The following CBLB variants were observed in gnomAD, a reference collection of about 807,000 sequenced individuals.
CBLB encodes Cbl proto-oncogene B, also known as E3 ubiquitin-protein ligase CBL-B.
CBLB carries 31 observed loss-of-function variants against 104.9 expected under a neutral mutation model. The ratio of observed to expected loss-of-function variants is 0.30; its 90% CI spans 0.22 to 0.40. The LOEUF is 0.40. Among genes scored for constraint, CBLB ranks in the 10% least tolerant of loss-of-function variants. CBLB has a pLI of 1.00. For synonymous variants in CBLB, 440 were observed against 422.6 expected, an observed-to-expected ratio of 1.04 and a Z score of -0.51; for missense variants, 1,062 against 1,214.6, an observed-to-expected ratio of 0.87 and a Z score of 1.87.
chr3:105,695,870 C>T (rs944616511), intron 12 of CBLB, among the ~76,000 whole-genome samples: 2 of 151,660 alleles, frequency 1.3e-5, no homozygotes, highest in African/African-American at 2.4e-5. Flanking sequence ...TAGCATATGC[C>T]TTACAGTGCT....
intron 3 of CBLB, among the ~76,000 whole-genome samples, chr3:105,810,222 T>C (rs1410550435): frequency 1.3e-5 from 2 of 152,170 alleles, no homozygotes; most frequent in East Asian, 1.9e-4. Context: ...TATTGGGAAA[T>C]GTTTTGCTCT....
At chr3:105,755,776 G>A (rs1260805575) in intron 4 of CBLB, among the ~76,000 whole-genome samples, 1 of 152,072 alleles carries the variant, frequency 6.6e-6, no homozygotes, top group Admixed American at 6.6e-5. Flanking sequence ...TTCACCTAAG[G>A]AAATTATGTC....
At chr3:105,791,062 AGGAAT>A (rs2081576480) in intron 3 of CBLB, among the ~76,000 whole-genome samples, 1 of 152,238 alleles carries the variant, frequency 6.6e-6, no homozygotes. Context: ...TTTAATCATT[AGGAAT>A]TCTTAGATTT....
At chr3:105,765,243 C>T (rs895456170) in intron 4 of CBLB, among the ~76,000 whole-genome samples, 16 of 152,162 alleles carry the variant, frequency 1.1e-4, no homozygotes, top group Non-Finnish European at 2.9e-5. Flanking sequence ...TTCAAAGCTA[C>T]ATGATGGGTT....
At chr3:105,745,842 C>T in intron 6 of CBLB, 75 bp downstream of exon 6, 1 of 1,412,498 alleles carries the variant, frequency 7.1e-7, no homozygotes, top group African/African-American at 1.4e-5. Flanking sequence ...GTATTGCTGA[C>T]TTACTTAGGA....
At chr3:105,864,817 T>C (rs1052869352) in intron 2 of CBLB, among the ~76,000 whole-genome samples, 2 of 152,200 alleles carry the variant, frequency 1.3e-5, no homozygotes, top group Non-Finnish European at 2.9e-5. Flanking sequence ...CACTAGATAT[T>C]TCCCCTACAA....
At position 105,853,394 on chromosome 3, in the gene CBLB, A is replaced by G; in HGVS notation, c.419+20T>C. Reference sequence around the variant, plus strand: ...ACATAAATGACCTTTACACCAAAACATCTGAAATATTCTTCTTACCTGTCC... The same window carrying G: ...ACATAAATGACCTTTACACCAAAACGTCTGAAATATTCTTCTTACCTGTCC... On this transcript the variant is annotated intron_variant, in intron 3 of 18. Coordinates refer to ENST00000394030, the MANE Select transcript of CBLB (RefSeq NM_170662.5). 6.2e-7 allele frequency: 1 copy of G among 1,612,868 alleles called. No individual in the cohort carries two copies. The highest frequency in any genetic ancestry group is 1.7e-4 in the Middle Eastern group (1 of 6,058).
intron 1 of CBLB, chr3:105,868,262 G>T: frequency 8.1e-7 from 1 of 1,227,452 alleles, no homozygotes; most frequent in South Asian, 4.1e-5. Context: ...AGAGAAAAAT[G>T]ACAAGAGCGG....
rs189253926 is a variant in CBLB, at chr3:105,859,749, T to C, written c.169-6085A>G. On this transcript the variant is annotated intron_variant, in intron 2 of 18. Coordinates refer to ENST00000394030, the MANE Select transcript of CBLB (RefSeq NM_170662.5). The stretch of plus-strand genomic sequence containing the variant: ...TTATTACAGTGACCTAAAGTATATA[T>C]ATATCTCTCTCTTTATAATAACAGG... Among the ~76,000 whole-genome samples the C allele has an allele frequency of 2.7e-3, 410 of 151,786 alleles. 1 individual carries two copies. Among genetic ancestry groups the C allele is most frequent in the Non-Finnish European group, 4.8e-3 (324 of 67,944 alleles).
chr3:105,743,584 C>A (rs1220021014), intron 6 of CBLB, among the ~76,000 whole-genome samples: 1 of 151,812 alleles, frequency 6.6e-6, no homozygotes, highest in African/African-American at 2.4e-5. Context: ...ACTTAGATTT[C>A]CAAATGTTAC....
intron 3 of CBLB, among the ~76,000 whole-genome samples, chr3:105,791,534 G>A (rs1204613313): frequency 2.0e-5 from 3 of 152,246 alleles, no homozygotes; most frequent in South Asian, 2.1e-4. Context: ...ACCCACTGAC[G>A]TTGTCTTAGG....
intron 13 of CBLB, among the ~76,000 whole-genome samples, chr3:105,686,644 T>C (rs1302287423): frequency 1.3e-5 from 2 of 152,110 alleles, no homozygotes; most frequent in Non-Finnish European, 2.9e-5. Flanking sequence ...TTGAAAAATC[T>C]AAAGATTTAA....
intron 3 of CBLB, among the ~76,000 whole-genome samples, chr3:105,803,057 T>G (rs1192611526): frequency 1.3e-5 from 2 of 152,192 alleles, no homozygotes; most frequent in East Asian, 3.8e-4. Flanking sequence ...ACACAGCCAA[T>G]ATTAACAAGT....
At chr3:105,770,191 A>T (rs1416890427) in intron 4 of CBLB, among the ~76,000 whole-genome samples, 1 of 152,064 alleles carries the variant, frequency 6.6e-6, no homozygotes, top group Non-Finnish European at 1.5e-5. Flanking sequence ...TTTCCCAAAG[A>T]ACCAACACAG....
At position 105,829,666 on chromosome 3, in the gene CBLB, CAAAAAAAAAAAAAAA is replaced by C. The variant is rs71627689; in HGVS notation, c.419+23733_419+23747del. 2.1e-4 allele frequency among the ~76,000 whole-genome samples: 10 copies of C among 47,024 alleles called. No individual in the cohort carries two copies. In the East Asian group the frequency reaches 2.6e-3, roughly 12 times the overall value. 30.8% of individuals were successfully genotyped at this position (47,024 alleles called of 152,430 possible). A position where few individuals can be genotyped will look rare whatever the true frequency, so the allele number is the denominator to read the frequency against. On this transcript the variant is annotated intron_variant, in intron 3 of 18. Transcript: ENST00000394030. ...CCAGAGCGACACAGCAAGACCGTCCCAAAAAAAAAAAAAAAAAAAAAAAAAAAAAAAAAAACCAAA... is the reference window on the plus strand; with the variant it reads ...CCAGAGCGACACAGCAAGACCGTCCCAAAAAAAAAAAAAAAAAAAACCAAA...
At chr3:105,776,652 T>C in intron 3 of CBLB, 110 bp from the exon 4 acceptor site, 2 of 1,030,450 alleles carry the variant, frequency 1.9e-6, no homozygotes, top group Non-Finnish European at 2.9e-6. Flanking sequence ...TATCAACGTA[T>C]GTCTTGGTGG....
At chr3:105,776,187 A>G (rs1430384292) in intron 4 of CBLB, among the ~76,000 whole-genome samples, 1 of 152,216 alleles carries the variant, frequency 6.6e-6, no homozygotes, top group Non-Finnish European at 1.5e-5. Context: ...AACATTGTAT[A>G]ATATTTACTT....
chr3:105,663,171 A>C (rs149935712), intron 18 of CBLB, among the ~76,000 whole-genome samples: 2,574 of 152,186 alleles, frequency 0.017, 73 homozygotes, highest in African/African-American at 0.059. Flanking sequence ...TATCACAGTT[A>C]CTGCTGTTAC....
chr3:105,820,499 C>G (rs984509593), intron 3 of CBLB, among the ~76,000 whole-genome samples: 1 of 152,144 alleles, frequency 6.6e-6, no homozygotes, highest in Non-Finnish European at 1.5e-5. Flanking sequence ...TGTAAATGAA[C>G]AGTACAGCCA....
Sources: gnomAD v4.1 joint callset for allele counts (sites outside exome capture counted in the v4.1 genomes callset) on GRCh38, gnomAD v4.1.1 for gene constraint, MANE v1.5 for transcripts, NCBI Gene and HGNC (gene_info 2026-07-23, HGNC 2026-07-21) for gene names.